The following AGK variants were observed in gnomAD, a reference collection of about 807,000 sequenced individuals.
AGK encodes acylglycerol kinase.
AGK carries 52 observed loss-of-function variants against 66.4 expected under a neutral mutation model. That is an observed-to-expected ratio of 0.78 (90% CI 0.63 to 0.99). AGK has a LOEUF of 0.99. Among genes scored for constraint, AGK ranks in the 50% least tolerant of loss-of-function variants. The probability of loss-of-function intolerance (pLI) is 0.00; values close to 1 mark genes in which losing one functional copy is unlikely to be tolerated. For synonymous variants in AGK, 182 were observed against 181.1 expected, an observed-to-expected ratio of 1.00 and a Z score of -0.04; for missense variants, 451 against 506.6, an observed-to-expected ratio of 0.89 and a Z score of 1.05.
At position 141,614,175 on chromosome 7, in the gene AGK, T is replaced by G; in HGVS notation, c.420T>G (p.Asp140Glu). Residue 140 changes from aspartate (D) to glutamate (E), a missense_variant, in exon 7 of 16, where the codon GAT becomes GAG. Asp to Glu is a conservative substitution (Grantham distance 45). Coordinates refer to ENST00000649286, the MANE Select transcript of AGK (RefSeq NM_018238.4). Reference protein sequence around the residue: ...EVVTGVLRRTDEATFSKIPIG... With the variant: ...EVVTGVLRRTEEATFSKIPIG... ...TTACTGGTGTTCTTCGACGAACAGA[T>G]GAGGTGAGCATTAAAGAGTAATTGC... is the stretch of plus-strand genomic sequence containing the variant. The G allele has an allele frequency of 2.6e-6, 4 of 1,537,756 alleles. No individual in the cohort carries two copies. The highest frequency in any genetic ancestry group is 1.9e-5 in the Admixed American group (1 of 52,354).
chr7:141,643,704 ACCTGT>A (rs1224077593), intron 13 of AGK, among the ~76,000 whole-genome samples: 1 of 152,186 alleles, frequency 6.6e-6, no homozygotes, highest in East Asian at 1.9e-4. Flanking sequence ...CATGTGAGGC[ACCTGT>A]CCTAAGAATT....
intron 5 of AGK, among the ~76,000 whole-genome samples, chr7:141,609,797 C>T (rs1796541517): frequency 6.6e-6 from 1 of 152,142 alleles, no homozygotes; most frequent in Admixed American, 6.5e-5. Context: ...AGGGGCCCAC[C>T]AATCACCTCA....
At position 141,611,355 on chromosome 7, in the gene AGK, T is replaced by A. The variant is rs546420041; in HGVS notation, c.390+68T>A. On this transcript the variant is annotated intron_variant, in intron 6 of 15. Transcript: ENST00000649286. ...AAATGGAAATTAAATCCTAGAGCAA[T>A]GGTATGTTGTAATTTAAAGAAATTT... 1.7e-5 allele frequency: 19 copies of A among 1,130,592 alleles called. No individual in the cohort carries two copies. In the African/African-American group the frequency reaches 2.2e-4, roughly 13 times the overall value. 70.0% of individuals were successfully genotyped at this position (1,130,592 alleles called of 1,614,324 possible).
chr7:141,571,744 C>T (rs926761526), intron 2 of AGK, among the ~76,000 whole-genome samples: 5 of 152,136 alleles, frequency 3.3e-5, no homozygotes, highest in African/African-American at 1.2e-4. Flanking sequence ...AGCAAAGCAA[C>T]CCTGGATAGT....
intron 5 of AGK, among the ~76,000 whole-genome samples, chr7:141,608,742 A>G (rs1015349500): frequency 6.6e-6 from 1 of 152,192 alleles, no homozygotes; most frequent in African/African-American, 2.4e-5. Flanking sequence ...CTTGTTTTCT[A>G]GCATGTTGTT....
Position 141,653,061 on chromosome 7 carries a change from A to G in AGK, c.*137A>G, listed in dbSNP as rs1587182445. On this transcript the variant is annotated 3_prime_UTR_variant, in exon 16 of 16. Coordinates refer to ENST00000649286, the MANE Select transcript of AGK (RefSeq NM_018238.4). Reference sequence around the variant, plus strand: ...TCATGGCAAGTACCCCTCTGCCCCCACTCCAGCAGTGCTTCCCAAAGTGTG... The same window carrying G: ...TCATGGCAAGTACCCCTCTGCCCCCGCTCCAGCAGTGCTTCCCAAAGTGTG... 4 of 966,124 alleles carry G rather than the reference A, an allele frequency of 4.1e-6. No individual in the cohort carries two copies. Among genetic ancestry groups the G allele is most frequent in the Non-Finnish European group, 3.0e-6 (2 of 659,088 alleles). The allele number at this position is 966,124 out of a possible 1,614,324, so 59.8% of individuals were successfully genotyped here. A position where few individuals can be genotyped will look rare whatever the true frequency, so the allele number is the denominator to read the frequency against.
chr7:141,622,397 C>A (rs768435951), intron 9 of AGK, among the ~76,000 whole-genome samples: 34 of 152,188 alleles, frequency 2.2e-4, no homozygotes, highest in Non-Finnish European at 4.6e-4. Context: ...TCTGTGGCAA[C>A]CCTGCCCCAA....
chr7:141,651,689 C>A, intron 15 of AGK, 80 bp downstream of exon 15: 1 of 1,329,170 alleles, frequency 7.5e-7, no homozygotes, highest in Non-Finnish European at 1.1e-6. Flanking sequence ...CCCATCCTTC[C>A]TCTCTGTTAG....
intron 13 of AGK, among the ~76,000 whole-genome samples, chr7:141,644,730 A>G (rs114798629): frequency 0.011 from 1,670 of 152,208 alleles, 26 homozygotes; most frequent in African/African-American, 0.038. Context: ...TTTTTCTTTA[A>G]AAAGGAAATA....
At chr7:141,631,180 A>G (rs1023424552) in intron 9 of AGK, among the ~76,000 whole-genome samples, 1 of 152,158 alleles carries the variant, frequency 6.6e-6, no homozygotes, top group African/African-American at 2.4e-5. Flanking sequence ...TTTATTATAA[A>G]TTTTTACTAT....
At chr7:141,630,306 C>G (rs1444029007) in intron 9 of AGK, among the ~76,000 whole-genome samples, 3 of 152,040 alleles carry the variant, frequency 2.0e-5, no homozygotes, top group African/African-American at 7.2e-5. Flanking sequence ...CCAAATAGTG[C>G]AAAGTTGCAG....
At chr7:141,601,071 C>G in intron 4 of AGK, 134 bp from the exon 5 acceptor site, 1 of 591,480 alleles carries the variant, frequency 1.7e-6, no homozygotes, top group Non-Finnish European at 2.9e-6. Flanking sequence ...GTTAAACTTT[C>G]TGTGCTTGAA....
intron 13 of AGK, among the ~76,000 whole-genome samples, chr7:141,644,138 AAAGAT>A (rs772825858): frequency 1.3e-5 from 2 of 152,122 alleles, no homozygotes; most frequent in Non-Finnish European, 2.9e-5. Context: ...TTTAAAAGAG[AAAGAT>A]AAAATGTCTA....
At position 141,606,600 on chromosome 7, in the gene AGK, G is replaced by A. The variant is rs983133142; in HGVS notation, c.298-4595G>A. ...ATTTCCTGTATTATTAACATCTTGCGTTAGTGTTATAAATTTCCTACAATT... is the reference window on the plus strand; with the variant it reads ...ATTTCCTGTATTATTAACATCTTGCATTAGTGTTATAAATTTCCTACAATT... On this transcript the variant is annotated intron_variant, in intron 5 of 15. Transcript: ENST00000649286. Among the ~76,000 whole-genome samples, 5 of 151,982 alleles carry A rather than the reference G, an allele frequency of 3.3e-5. No homozygotes were observed. The East Asian group carries it at 9.6e-4, about 29-fold the overall frequency.
chr7:141,619,214 AAAAT>A (rs1796773055), intron 8 of AGK, among the ~76,000 whole-genome samples: 1 of 152,182 alleles, frequency 6.6e-6, no homozygotes, highest in African/African-American at 2.4e-5. Flanking sequence ...TTTATATAGA[AAAAT>A]AAAGGAAGCA....
chr7:141,580,838 GGAGT>G (rs1250382426), intron 2 of AGK, among the ~76,000 whole-genome samples: 1 of 152,000 alleles, frequency 6.6e-6, no homozygotes, highest in Non-Finnish European at 1.5e-5. Context: ...TAATGAAAAG[GGAGT>G]GAGTGATGAG....
chr7:141,641,235 T>C lies in AGK; in HGVS notation c.727-13T>C. 1 of 1,591,196 alleles carries C rather than the reference T, an allele frequency of 6.3e-7. No individual in the cohort carries two copies. Among genetic ancestry groups the C allele is most frequent in the Non-Finnish European group, 8.5e-7 (1 of 1,174,110 alleles). On this transcript the variant is annotated splice_polypyrimidine_tract_variant and intron_variant, in intron 11 of 15. Transcript: ENST00000649286. The stretch of plus-strand genomic sequence containing the variant: ...ACATGCATAACAAAATTTTTCTCTC[T>C]CCACATTAAAAGGAGTGGCCTCAGA...
chr7:141,555,614 A>G lies in AGK; in HGVS notation c.101+47A>G, dbSNP rs751490400. 3.5e-6 allele frequency: 5 copies of G among 1,417,250 alleles called. No individual in the cohort carries two copies. The highest frequency in any genetic ancestry group is 5.0e-6 in the Non-Finnish European group (5 of 1,008,592). 87.8% of individuals were successfully genotyped at this position (1,417,250 alleles called of 1,614,324 possible). A position where few individuals can be genotyped will look rare whatever the true frequency, so the allele number is the denominator to read the frequency against. ...CCCACCTTTGCATCTGCAGCAAAAC[A>G]GCCCCAAAGGGCCTCAGGTTAAAAT... is the stretch of plus-strand genomic sequence containing the variant. On this transcript the variant is annotated intron_variant, in intron 2 of 15. Coordinates refer to ENST00000649286, the MANE Select transcript of AGK (RefSeq NM_018238.4). The surrounding 1 kb of genome is among the most constrained non-coding windows in gnomAD (Gnocchi z 4.2).
rs1466326663 is a variant in AGK, at chr7:141,654,489, T to TATCA, written c.*1567_*1570dup. On this transcript the variant is annotated 3_prime_UTR_variant, in exon 16 of 16. Transcript: ENST00000649286. Reference sequence around the variant, plus strand: ...TCATCAAGAATTATTAATGATGATCTATCAACTAACAAACAACTTGATTAG... The same window carrying TATCA: ...TCATCAAGAATTATTAATGATGATCTATCAATCAACTAACAAACAACTTGATTAG... The TATCA allele has an allele frequency of 5.3e-5, 8 of 152,258 alleles. No individual in the cohort carries two copies. The highest frequency in any genetic ancestry group is 1.7e-4 in the African/African-American group (7 of 41,462). The allele number at this position is 152,258 out of a possible 1,614,324, so 9.4% of individuals were successfully genotyped here.
Sources: allele counts gnomAD v4.1 joint callset (sites outside exome capture counted in the v4.1 genomes callset), GRCh38; gene constraint gnomAD v4.1.1; non-coding constraint Gnocchi (gnomAD v3.1); transcripts MANE v1.5; gene names NCBI Gene and HGNC (gene_info 2026-07-23, HGNC 2026-07-21).